The following NCKAP5 variants were observed in gnomAD, a reference collection of about 807,000 sequenced individuals.
NCKAP5 encodes the protein nck-associated protein 5.
Under a neutral mutation model 167.0 loss-of-function variants are expected in NCKAP5, and 92 were observed. The observed-to-expected ratio is 0.55, with a 90% CI of 0.47 to 0.66. The LOEUF is 0.66. Ranked by LOEUF, NCKAP5 falls within the 30% of genes least tolerant of loss-of-function variation. The pLI is 0.00. For missense variants in NCKAP5, 2,378 were observed against 2,315.0 expected (o/e 1.03, Z -0.56); for synonymous variants, 891 against 877.4 (o/e 1.02, Z -0.27).
intron 1 of NCKAP5, among the ~76,000 whole-genome samples, chr2:133,565,559 C>T (rs1688486562): frequency 6.6e-6 from 1 of 152,138 alleles, no homozygotes; most frequent in African/African-American, 2.4e-5. Flanking sequence ...TTCCAGAGTC[C>T]AAGTTTTCAG....
intron 11 of NCKAP5, among the ~76,000 whole-genome samples, chr2:132,810,353 C>A (rs1456882517): frequency 1.3e-5 from 2 of 152,144 alleles, no homozygotes; most frequent in African/African-American, 4.8e-5. Flanking sequence ...CTGGATTATT[C>A]CCCCAAATAT....
intron 6 of NCKAP5, among the ~76,000 whole-genome samples, chr2:133,008,510 AC>A (rs2078047053): frequency 6.6e-6 from 1 of 152,182 alleles, no homozygotes; most frequent in Admixed American, 6.5e-5. Context: ...CTTGCAAAAA[AC>A]TTTATAACCT....
intron 6 of NCKAP5, among the ~76,000 whole-genome samples, chr2:133,089,366 T>C (rs1235136179): frequency 6.6e-6 from 1 of 152,200 alleles, no homozygotes; most frequent in African/African-American, 2.4e-5. Context: ...GTTTCATGTG[T>C]CTCCACTAAT....
At chr2:132,960,688 T>C (rs181467854) in intron 8 of NCKAP5, among the ~76,000 whole-genome samples, 29 of 152,262 alleles carry the variant, frequency 1.9e-4, no homozygotes, top group African/African-American at 7.0e-4. Context: ...GTGATTTGCT[T>C]AGACAATATT....
intron 5 of NCKAP5, among the ~76,000 whole-genome samples, chr2:133,205,342 TAGAC>T (rs1310244318): frequency 6.6e-5 from 8 of 120,468 alleles, no homozygotes; most frequent in South Asian, 2.5e-4. Flanking sequence ...TAAAGATAGA[TAGAC>T]AGGCAGACAA....
rs761488484 is a variant in NCKAP5 at position 132,731,821 on chromosome 2, T to A, written c.5359A>T (p.Ile1787Phe). The A allele has an allele frequency of 6.2e-7, 1 of 1,613,796 alleles. No homozygotes were observed. The highest frequency in any genetic ancestry group is 8.5e-7 in the Non-Finnish European group (1 of 1,179,892). The change falls in exon 17 of 20, where the codon ATT becomes TTT. Residue 1787 changes from isoleucine (I) to phenylalanine (F), a missense_variant. This residue lies in a region of NCKAP5 where 1,325 missense variants were observed against 1,274.5 expected (regional missense o/e 1.04). Transcript: ENST00000409261. The part of the protein sequence containing the change: ...TDGQRPADSA[I>F]VHSTSDPIMT... ...ATGGGGTCGGATGTGGAATGAACAA[T>A]GGCGCTATCTGCAGGGCGCTGGCCG... is the stretch of plus-strand genomic sequence containing the variant.
At chr2:133,540,394 T>G (rs1415620425) in intron 2 of NCKAP5, among the ~76,000 whole-genome samples, 1 of 152,128 alleles carries the variant, frequency 6.6e-6, no homozygotes, top group African/African-American at 2.4e-5. Context: ...ATCAAAGTGT[T>G]TACAGCAAAT....
chr2:132,830,183 C>CATTCTCAT (rs1280625339), intron 11 of NCKAP5, among the ~76,000 whole-genome samples: 1 of 152,134 alleles, frequency 6.6e-6, no homozygotes, highest in Non-Finnish European at 1.5e-5. Flanking sequence ...GAAAACAAAT[C>CATTCTCAT]ATTCTCATGC....
intron 6 of NCKAP5, among the ~76,000 whole-genome samples, chr2:133,091,157 C>T (rs1225801246): frequency 6.6e-6 from 1 of 152,154 alleles, no homozygotes; most frequent in African/African-American, 2.4e-5. Context: ...CCTAACCATG[C>T]TTCCTGTACA....
intron 3 of NCKAP5, among the ~76,000 whole-genome samples, chr2:133,426,230 A>G (rs1461283697): frequency 6.6e-6 from 1 of 152,106 alleles, no homozygotes; most frequent in Non-Finnish European, 1.5e-5. Context: ...AAGTCACACC[A>G]TTACACTCCA....
At chr2:132,819,149 CCT>C (rs1686514285) in intron 11 of NCKAP5, among the ~76,000 whole-genome samples, 1 of 152,094 alleles carries the variant, frequency 6.6e-6, no homozygotes, top group African/African-American at 2.4e-5. Flanking sequence ...GCTCCCCAAC[CCT>C]CTGTCTTATG....
intron 6 of NCKAP5, among the ~76,000 whole-genome samples, chr2:133,128,572 G>C (rs577758860): frequency 6.6e-6 from 1 of 152,102 alleles, no homozygotes; most frequent in Admixed American, 6.5e-5. Flanking sequence ...CTTTGAAAGA[G>C]AGATTCTAGT....
intron 18 of NCKAP5, among the ~76,000 whole-genome samples, 153 bp downstream of exon 18, chr2:132,728,663 G>A (rs1055657075): frequency 1.3e-5 from 2 of 152,172 alleles, no homozygotes; most frequent in African/African-American, 4.8e-5. Context: ...TAAGGCAGGG[G>A]AAAGGGTGAA....
At chr2:133,611,306 C>A in the NCKAP5 span, among the ~76,000 whole-genome samples, 1 of 146,878 alleles carries the variant, frequency 6.8e-6, no homozygotes, top group Non-Finnish European at 1.5e-5. Flanking sequence ...AAAAGCATTT[C>A]TGGTCTCCTT....
At chr2:133,124,642 G>T (rs532676453) in intron 6 of NCKAP5, among the ~76,000 whole-genome samples, 1 of 152,182 alleles carries the variant, frequency 6.6e-6, no homozygotes, top group African/African-American at 2.4e-5. Context: ...ACGGTGTTTT[G>T]TTCATATATG....
chr2:133,353,648 C>G (rs902655187), intron 3 of NCKAP5, among the ~76,000 whole-genome samples: 5 of 152,112 alleles, frequency 3.3e-5, no homozygotes, highest in African/African-American at 1.2e-4. Flanking sequence ...ACTGCAAACC[C>G]CAGGCTCCAG....
chr2:132,908,381 T>C (rs1421771751), intron 8 of NCKAP5, among the ~76,000 whole-genome samples: 1 of 152,156 alleles, frequency 6.6e-6, no homozygotes, highest in East Asian at 1.9e-4. Flanking sequence ...ATTTCTCTCT[T>C]GAAATGCAAG....
chr2:132,947,652 A>G (rs79720255), intron 8 of NCKAP5, among the ~76,000 whole-genome samples: 14,747 of 152,086 alleles, frequency 0.097, 2,197 homozygotes, highest in African/African-American at 0.32. Flanking sequence ...CAACCCAGCG[A>G]GCTCTGTCCA....
intron 2 of NCKAP5, among the ~76,000 whole-genome samples, chr2:133,551,222 T>G (rs1044143324): frequency 5.8e-4 from 88 of 151,882 alleles, no homozygotes; most frequent in African/African-American, 1.7e-3. Context: ...ATGACTTTCT[T>G]CACAGAATTG....
Sources: allele counts gnomAD v4.1 joint callset (sites outside exome capture counted in the v4.1 genomes callset), GRCh38; gene constraint gnomAD v4.1.1; regional missense constraint gnomAD v4.1.1; transcripts MANE v1.5; gene names NCBI Gene and HGNC (gene_info 2026-07-23, HGNC 2026-07-21).